Variants in RHOT1 observed in about 807,000 individuals in gnomAD.
RHOT1 encodes the protein mitochondrial Rho GTPase 1.
In RHOT1, 27 loss-of-function variants were observed where a neutral mutation model predicts 95.3. The observed-to-expected ratio is 0.28, with a 90% CI of 0.21 to 0.39. The LOEUF (loss-of-function observed/expected upper bound fraction) is 0.39. RHOT1 is among the 10% of genes least tolerant of loss of function. The probability of loss-of-function intolerance (pLI) is 1.00; values close to 1 mark genes in which losing one functional copy is unlikely to be tolerated. For missense variants in RHOT1, 578 were observed against 786.7 expected (o/e 0.73, Z 3.17); for synonymous variants, 227 against 263.5 (o/e 0.86, Z 1.34).
At chr17:32,146,458 T>C (rs895361413) in intron 1 of RHOT1, among the ~76,000 whole-genome samples, 1 of 151,708 alleles carries the variant, frequency 6.6e-6, no homozygotes, top group Non-Finnish European at 1.5e-5. Context: ...TTATTTTATT[T>C]TTTTTGAGAT....
At chr17:32,181,965 C>T (rs950485264) in intron 6 of RHOT1, among the ~76,000 whole-genome samples, 9 of 152,146 alleles carry the variant, frequency 5.9e-5, no homozygotes, top group Non-Finnish European at 1.2e-4. Flanking sequence ...GGGGCCTTTG[C>T]ACATGCTGTT....
Position 32,224,674 on chromosome 17 carries a change from GCTA to G in RHOT1, c.1924_1926del (p.Thr642del). On this transcript the variant is annotated inframe_deletion, in exon 20 of 20. Transcript: ENST00000545287. ...GTTTTGGCTTCGAGCAAGTTTTGGTGCTACTGTTTTTGCAGTTTTGGGCTTTGC... is the reference window on the plus strand; with the variant it reads ...GTTTTGGCTTCGAGCAAGTTTTGGTGCTGTTTTTGCAGTTTTGGGCTTTGC... The G allele has an allele frequency of 1.9e-6, 3 of 1,613,610 alleles. No homozygotes were observed. Among genetic ancestry groups the G allele is most frequent in the African/African-American group, 1.3e-5 (1 of 74,994 alleles).
At chr17:32,202,565 A>AT (rs1288478247) in intron 14 of RHOT1, among the ~76,000 whole-genome samples, 1 of 152,102 alleles carries the variant, frequency 6.6e-6, no homozygotes, top group Non-Finnish European at 1.5e-5. Flanking sequence ...TCAGAAATGC[A>AT]TTTTTTCCAC....
At chr17:32,180,571 A>G (rs557551922) in intron 6 of RHOT1, among the ~76,000 whole-genome samples, 1 of 151,474 alleles carries the variant, frequency 6.6e-6, no homozygotes, top group African/African-American at 2.4e-5. Context: ...CCTTCTCTCC[A>G]CTATTATCCT....
chr17:32,212,983 G>A (rs538290685), intron 19 of RHOT1, among the ~76,000 whole-genome samples: 1 of 152,106 alleles, frequency 6.6e-6, no homozygotes, highest in African/African-American at 2.4e-5. Context: ...TGCAGTTGTA[G>A]TGCGACTAGT....
In RHOT1 at chr17:32,198,804, C is replaced by T. The variant is rs7211052; in HGVS notation, c.870-143C>T. ...TGCCAAAATCACTCCAGAGAGTTTC[C>T]TTGGGAAAGTCTAAATGATACCAAG... is the stretch of plus-strand genomic sequence containing the variant. On this transcript the variant is annotated intron_variant, in intron 11 of 19. Transcript: ENST00000545287. 2,726 of 601,830 alleles carry T rather than the reference C, an allele frequency of 4.5e-3. 54 individuals are homozygous for T. In the African/African-American group the frequency reaches 0.046, roughly 10 times the overall value. The allele number at this position is 601,830 out of a possible 1,614,324, so 37.3% of individuals were successfully genotyped here.
intron 1 of RHOT1, among the ~76,000 whole-genome samples, chr17:32,143,771 A>G (rs943965151): frequency 3.3e-5 from 5 of 152,380 alleles, no homozygotes. Flanking sequence ...GAGTTAATAC[A>G]TTCGTTAATA....
At chr17:32,193,099 G>T in intron 9 of RHOT1, 37 bp from the exon 10 acceptor site, 3 of 1,285,636 alleles carry the variant, frequency 2.3e-6, no homozygotes, top group Non-Finnish European at 3.4e-6. Context: ...TTTTAACGCT[G>T]GTTTGTTTTT....
intron 6 of RHOT1, among the ~76,000 whole-genome samples, chr17:32,180,699 A>T (rs1449153986): frequency 8.4e-6 from 1 of 119,548 alleles, no homozygotes; most frequent in Non-Finnish European, 1.6e-5. Flanking sequence ...TTTTAAGCCA[A>T]AAAAAAAAAA....
At chr17:32,204,116 A>G (rs1254841379) in intron 16 of RHOT1, 143 bp downstream of exon 16, 3 of 625,402 alleles carry the variant, frequency 4.8e-6, no homozygotes, top group Non-Finnish European at 8.1e-6. Context: ...TTTTAGAGAC[A>G]CGGTCTCACT....
chr17:32,150,746 C>G, intron 1 of RHOT1: 1 of 1,598,956 alleles, frequency 6.3e-7, no homozygotes, highest in East Asian at 2.2e-5. Flanking sequence ...ACCAGCCTCT[C>G]CCACTGAGTA....
At chr17:32,216,037 T>A (rs192136875) in intron 19 of RHOT1, among the ~76,000 whole-genome samples, 3 of 152,274 alleles carry the variant, frequency 2.0e-5, no homozygotes, top group African/African-American at 4.8e-5. Context: ...ATTTTAAATT[T>A]TAAATATCTT....
chr17:32,207,282 A>G (rs1419690622), intron 17 of RHOT1: 1 of 342,194 alleles, frequency 2.9e-6, no homozygotes, highest in Non-Finnish European at 5.3e-6. Flanking sequence ...CATTAATGCA[A>G]GCTCTTCCCA....
chr17:32,214,389 T>A (rs1567729131), intron 19 of RHOT1, among the ~76,000 whole-genome samples: 1 of 152,224 alleles, frequency 6.6e-6, no homozygotes, highest in Non-Finnish European at 1.5e-5. Context: ...GTGTGAAATT[T>A]CCAGATTGTT....
intron 11 of RHOT1, among the ~76,000 whole-genome samples, chr17:32,196,012 G>A (rs963614256): frequency 6.6e-6 from 1 of 151,876 alleles, no homozygotes; most frequent in South Asian, 2.1e-4. Flanking sequence ...AATCCTCTTT[G>A]CCTTTAATTT....
chr17:32,153,664 AG>A (rs764442543), intron 1 of RHOT1, among the ~76,000 whole-genome samples: 1 of 152,128 alleles, frequency 6.6e-6, no homozygotes, highest in Non-Finnish European at 1.5e-5. Context: ...GTCTCAAAAA[AG>A]AAAAGTGTAA....
chr17:32,194,798 C>T (rs558081690), intron 11 of RHOT1, among the ~76,000 whole-genome samples: 3 of 150,786 alleles, frequency 2.0e-5, no homozygotes, highest in Admixed American at 6.6e-5. Context: ...TTTTCCTAAA[C>T]GACTGGTCTA....
At chr17:32,194,828 C>CTTT (rs11357987) in intron 11 of RHOT1, among the ~76,000 whole-genome samples, 6 of 125,302 alleles carry the variant, frequency 4.8e-5, no homozygotes, top group African/African-American at 5.9e-5. Flanking sequence ...CTTTTTCTTT[C>CTTT]TTTTTTTTTT....
At position 32,182,760 on chromosome 17, in the gene RHOT1, G is replaced by A. The variant is rs2035744014; in HGVS notation, c.333G>A (p.Leu111=). 2 of 1,570,810 alleles carry A rather than the reference G, an allele frequency of 1.3e-6. No individual in the cohort carries two copies. The highest frequency in any genetic ancestry group is 1.8e-5 in the Admixed American group (1 of 55,508). ...CAATGTGCCCTGTTTATTTTAGGCT[G>A]CCTTTAATATTGGTTGGGAACAAAT... The part of the protein sequence containing the change: ...INERTDKDSR[L]PLILVGNKSD... Residue 111 remains leucine, a synonymous_variant, in exon 7 of 20, where the codon CTG becomes CTA. Coordinates refer to ENST00000545287, the MANE Select transcript of RHOT1 (RefSeq NM_001033566.3).
Sources: allele counts gnomAD v4.1 joint callset (sites outside exome capture counted in the v4.1 genomes callset), GRCh38; gene constraint gnomAD v4.1.1; transcripts MANE v1.5; gene names NCBI Gene and HGNC (gene_info 2026-07-23, HGNC 2026-07-21).